The following PIN1 variants were observed in gnomAD, a reference collection of about 807,000 sequenced individuals.
PIN1 encodes peptidylprolyl cis/trans isomerase, NIMA-interacting 1.
In PIN1, 8 loss-of-function variants were observed where a neutral mutation model predicts 19.9. That is an observed-to-expected ratio of 0.40 (90% CI 0.24 to 0.72). The LOEUF (loss-of-function observed/expected upper bound fraction) is 0.72. Ranked by LOEUF, PIN1 falls within the 30% of genes least tolerant of loss-of-function variation. The probability of loss-of-function intolerance (pLI) is 0.37; values close to 1 mark genes in which losing one functional copy is unlikely to be tolerated. For missense variants in PIN1, 185 were observed against 226.5 expected (o/e 0.82, Z 1.18); for synonymous variants, 86 against 90.8 (o/e 0.95, Z 0.30).
chr19:9,849,421 T>G lies in PIN1; in HGVS notation c.*222T>G. ...GGGGCTGCGACCGCCAGATTCTCCC[T>G]TAAGGAATTGACTTCAGCAGGGGTG... On this transcript the variant is annotated 3_prime_UTR_variant, in exon 4 of 4. Coordinates refer to ENST00000247970, the MANE Select transcript of PIN1 (RefSeq NM_006221.4). The G allele has an allele frequency of 1.3e-6, 1 of 742,906 alleles. No homozygotes were observed. The allele number at this position is 742,906 out of a possible 1,614,324, so 46.0% of individuals were successfully genotyped here. A position where few individuals can be genotyped will look rare whatever the true frequency, so the allele number is the denominator to read the frequency against.
rs1352883275 is a variant in PIN1, at chr19:9,838,472, G to A, written c.95G>A (p.Ser32Asn). The stretch of plus-strand genomic sequence containing the variant: ...TACTTCAACCACATCACTAACGCCA[G>A]CCAGTGGGAGCGGCCCAGCGGCAAC... ...VYYFNHITNA[S>N]QWERPSGNSS... is the part of the protein sequence containing the mutation. The change falls in exon 2 of 4, where the codon AGC becomes AAC. Residue 32 changes from serine (S) to asparagine (N), a missense_variant. By Grantham distance (46) the Ser-to-Asn change is conservative. Coordinates refer to ENST00000247970, the MANE Select transcript of PIN1 (RefSeq NM_006221.4). The surrounding 1 kb of genome is among the most constrained non-coding windows in gnomAD (Gnocchi z 5.8). 6.2e-7 allele frequency: 1 copy of A among 1,609,048 alleles called. No individual in the cohort carries two copies. The highest frequency in any genetic ancestry group is 1.3e-5 in the African/African-American group (1 of 74,908).
Position 9,849,488 on chromosome 19 carries a change from C to G in PIN1, c.*289C>G, listed in dbSNP as rs918942197. ...AGGGCAGTGTGGTGGGAGGGGTGTT[C>G]CAAAGAGAAGGCCTGGTCAGCAGAG... On this transcript the variant is annotated 3_prime_UTR_variant, in exon 4 of 4. Transcript: ENST00000247970. The G allele has an allele frequency of 1.4e-6, 1 of 692,834 alleles. No individual in the cohort carries two copies. Among genetic ancestry groups the G allele is most frequent in the East Asian group, 2.9e-5 (1 of 34,804 alleles). The allele number at this position is 692,834 out of a possible 1,614,324, so 42.9% of individuals were successfully genotyped here.
rs1599454729 is a variant in PIN1, at chr19:9,846,700, G to A, written c.272-1330G>A. Among the ~76,000 whole-genome samples the A allele has an allele frequency of 6.6e-6, 1 of 152,176 alleles. No homozygotes were observed. Among genetic ancestry groups the A allele is most frequent in the Admixed American group, 6.5e-5 (1 of 15,280 alleles). Reference sequence around the variant, plus strand: ...AGCACTGGCTAGGTCACCCAGCAGTGTTCCCGTGGGTCTCCAACAGGCTCC... The same window carrying A: ...AGCACTGGCTAGGTCACCCAGCAGTATTCCCGTGGGTCTCCAACAGGCTCC... On this transcript the variant is annotated intron_variant, in intron 2 of 3. Transcript: ENST00000247970. This position sits in a 1 kb window ranked among gnomAD's most constrained non-coding sequence, Gnocchi z 5.9.
At chr19:9,843,999 G>A (rs576855240) in intron 2 of PIN1, among the ~76,000 whole-genome samples, 10 of 152,188 alleles carry the variant, frequency 6.6e-5, no homozygotes, top group Admixed American at 2.0e-4. Flanking sequence ...ACAGTGAGCC[G>A]AGATTGTACC....
chr19:9,838,221 T>A lies in PIN1; in HGVS notation c.59-215T>A, dbSNP rs1295021029. 8.0e-6 allele frequency: 5 copies of A among 622,430 alleles called. No individual in the cohort carries two copies. Among genetic ancestry groups the A allele is most frequent in the Non-Finnish European group, 1.5e-5 (5 of 344,310 alleles). The allele number at this position is 622,430 out of a possible 1,614,324, so 38.6% of individuals were successfully genotyped here. A position where few individuals can be genotyped will look rare whatever the true frequency, so the allele number is the denominator to read the frequency against. ...ATTTGCTTGTTTAGCACCTGTCTGCTCTCACCTAGAATGTTAGCTCTCTAA... is the reference window on the plus strand; with the variant it reads ...ATTTGCTTGTTTAGCACCTGTCTGCACTCACCTAGAATGTTAGCTCTCTAA... On this transcript the variant is annotated intron_variant, in intron 1 of 3. Transcript: ENST00000247970. The surrounding 1 kb of genome is among the most constrained non-coding windows in gnomAD (Gnocchi z 5.8).
intron 3 of PIN1, chr19:9,848,363 A>G (rs1399377491): frequency 2.1e-5 from 12 of 562,330 alleles, no homozygotes; most frequent in Admixed American, 1.8e-4. Flanking sequence ...CATCATCTCT[A>G]CCCTGGGGGG....
intron 3 of PIN1, 116 bp downstream of exon 3, chr19:9,848,256 AG>A (rs1265515698): frequency 2.5e-5 from 17 of 686,976 alleles, no homozygotes; most frequent in African/African-American, 5.3e-5. Flanking sequence ...GGGGTCCAGC[AG>A]GTGGCAGCAC....
intron 2 of PIN1, among the ~76,000 whole-genome samples, chr19:9,844,093 CT>C (rs1054832899): frequency 2.0e-5 from 3 of 152,134 alleles, no homozygotes; most frequent in Non-Finnish European, 2.9e-5. Context: ...GGGCCCCACC[CT>C]TATGACCTCA....
chr19:9,848,211 T>A, intron 3 of PIN1, 71 bp downstream of exon 3: 1 of 875,134 alleles, frequency 1.1e-6, no homozygotes, highest in Non-Finnish European at 1.9e-6. Context: ...CAGGAGGGTC[T>A]GGGCATTGGG....
intron 2 of PIN1, among the ~76,000 whole-genome samples, chr19:9,845,134 G>T (rs757204816): frequency 1.1e-4 from 16 of 152,202 alleles, no homozygotes; most frequent in Non-Finnish European, 1.9e-4. Context: ...CGAGGTGGGA[G>T]TCGGAGGATG....
Position 9,840,114 on chromosome 19 carries a change from C to T in PIN1, c.271+1466C>T, listed in dbSNP as rs8104736. ...TAAAACATTTACATTCTTGGCCGGG[C>T]GCGGTGGCTCACGTCTGTAATTCCA... On this transcript the variant is annotated intron_variant, in intron 2 of 3. Transcript: ENST00000247970. Among the ~76,000 whole-genome samples, 727 of 152,306 alleles carry T rather than the reference C, an allele frequency of 4.8e-3. 3 individuals carry two copies. The highest frequency in any genetic ancestry group is 0.016 in the African/African-American group (664 of 41,560).
chr19:9,843,128 G>T (rs558805155), intron 2 of PIN1, among the ~76,000 whole-genome samples: 1 of 152,368 alleles, frequency 6.6e-6, no homozygotes, highest in African/African-American at 2.4e-5. Context: ...ACCCAGATCT[G>T]TTGACAGCCA....
At chr19:9,843,567 C>G (rs1031754541) in intron 2 of PIN1, among the ~76,000 whole-genome samples, 2 of 152,252 alleles carry the variant, frequency 1.3e-5, no homozygotes, top group African/African-American at 4.8e-5. Context: ...GCTTAAACAA[C>G]AGTCATCACT....
rs1223933436 is a variant in PIN1 at position 9,849,375 on chromosome 19, A to C, written c.*176A>C. The C allele has an allele frequency of 4.2e-6, 3 of 712,140 alleles. No homozygotes were observed. Among genetic ancestry groups the C allele is most frequent in the Non-Finnish European group, 7.7e-6 (3 of 391,116 alleles). 44.1% of individuals were successfully genotyped at this position (712,140 alleles called of 1,614,324 possible). A position where few individuals can be genotyped will look rare whatever the true frequency, so the allele number is the denominator to read the frequency against. ...CCAGATTGGGGGCCCTGGGGTCCCC[A>C]CTCCCTGTCCATCCCCAGTTGGGGC... On this transcript the variant is annotated 3_prime_UTR_variant, in exon 4 of 4. Transcript: ENST00000247970.
In PIN1 at chr19:9,846,776, G is replaced by C. The variant is rs1031454343; in HGVS notation, c.272-1254G>C. ...CCTGGGCAAGTTGGCCGGCAGGTGT[G>C]TCATGGCATCATTTAGGTCAGAAGG... On this transcript the variant is annotated intron_variant, in intron 2 of 3. Transcript: ENST00000247970. This position sits in a 1 kb window ranked among gnomAD's most constrained non-coding sequence, Gnocchi z 5.9. Among the ~76,000 whole-genome samples the C allele has an allele frequency of 6.6e-6, 1 of 152,304 alleles. No individual in the cohort carries two copies. Among genetic ancestry groups the C allele is most frequent in the African/African-American group, 2.4e-5 (1 of 41,570 alleles).
intron 3 of PIN1, 34 bp downstream of exon 3, chr19:9,848,174 A>C: frequency 7.9e-7 from 1 of 1,267,194 alleles, no homozygotes; most frequent in South Asian, 1.2e-5. Flanking sequence ...AGGTTGGGGG[A>C]CCCTTACCAC....
chr19:9,845,168 G>A (rs964342401), intron 2 of PIN1, among the ~76,000 whole-genome samples: 1 of 152,190 alleles, frequency 6.6e-6, no homozygotes, highest in Non-Finnish European at 1.5e-5. Flanking sequence ...GTCAGGTACA[G>A]GCTGAGCTAA....
chr19:9,841,712 C>T (rs1302205360), intron 2 of PIN1, among the ~76,000 whole-genome samples: 2 of 152,122 alleles, frequency 1.3e-5, no homozygotes, highest in African/African-American at 4.8e-5. Context: ...TTCTGGTTGC[C>T]CCAGAGCAAG....
chr19:9,845,437 G>T (rs977089745), intron 2 of PIN1, among the ~76,000 whole-genome samples: 1 of 151,564 alleles, frequency 6.6e-6, no homozygotes, highest in East Asian at 1.9e-4. Context: ...TGTTGCCCAC[G>T]CTGGAGTGCA....
Sources: allele counts gnomAD v4.1 joint callset (sites outside exome capture counted in the v4.1 genomes callset), GRCh38; gene constraint gnomAD v4.1.1; non-coding constraint Gnocchi (gnomAD v3.1); transcripts MANE v1.5; gene names NCBI Gene and HGNC (gene_info 2026-07-23, HGNC 2026-07-21).